The following CNTN5 variants were observed in gnomAD, a reference collection of about 807,000 sequenced individuals.
CNTN5 encodes contactin 5, also known as contactin-5.
CNTN5 carries 77 observed loss-of-function variants against 129.1 expected under a neutral mutation model. The observed-to-expected ratio is 0.60, with a 90% CI of 0.50 to 0.72. The LOEUF (loss-of-function observed/expected upper bound fraction) is 0.72. Ranked by LOEUF, CNTN5 falls within the 30% of genes least tolerant of loss-of-function variation. The pLI is 0.00. For synonymous variants in CNTN5, 509 were observed against 465.6 expected, an observed-to-expected ratio of 1.09 and a Z score of -1.20; for missense variants, 1,478 against 1,328.8, an observed-to-expected ratio of 1.11 and a Z score of -1.75.
intron 14 of CNTN5, among the ~76,000 whole-genome samples, chr11:100,191,713 C>T (rs549450434): frequency 6.6e-6 from 1 of 152,042 alleles, no homozygotes; most frequent in East Asian, 1.9e-4. Context: ...AAACTGGCTC[C>T]AGAGCTGTTT....
Position 99,614,600 on chromosome 11 carries a change from A to T in CNTN5, c.55+58331A>T, listed in dbSNP as rs942753348. Among the ~76,000 whole-genome samples the T allele has an allele frequency of 4.6e-5, 7 of 152,340 alleles. No homozygotes were observed. The South Asian group carries it at 1.0e-3, about 23-fold the overall frequency. On this transcript the variant is annotated intron_variant, in intron 3 of 24. Transcript: ENST00000524871. ...GAGCTGGGAGGTGGAAAAGGAATCC[A>T]GTATCCACTGTGCATCTCCCAGTTC...
intron 1 of CNTN5, among the ~76,000 whole-genome samples, chr11:99,118,192 A>G (rs2135399754): frequency 6.6e-6 from 1 of 152,292 alleles, no homozygotes; most frequent in African/African-American, 2.4e-5. Flanking sequence ...ACCAATTTAT[A>G]TGCCCAAGTC....
intron 2 of CNTN5, among the ~76,000 whole-genome samples, chr11:99,425,095 A>G (rs1477781007): frequency 1.3e-5 from 2 of 152,112 alleles, no homozygotes; most frequent in African/African-American, 4.8e-5. Context: ...GCTCCGTCCC[A>G]CAGCTGGTAA....
chr11:99,118,931 A>C (rs888952430), intron 1 of CNTN5, among the ~76,000 whole-genome samples: 1 of 151,928 alleles, frequency 6.6e-6, no homozygotes, highest in Non-Finnish European at 1.5e-5. Flanking sequence ...ATTTATTATA[A>C]TTATGTTAGA....
chr11:99,475,220 A>C (rs1402661805), intron 2 of CNTN5, among the ~76,000 whole-genome samples: 3 of 152,186 alleles, frequency 2.0e-5, no homozygotes, highest in African/African-American at 7.2e-5. Flanking sequence ...GGTTCCTTAT[A>C]AGATGGATGA....
chr11:99,287,918 T>C (rs1255033676), intron 1 of CNTN5, among the ~76,000 whole-genome samples: 1 of 151,676 alleles, frequency 6.6e-6, no homozygotes, highest in Non-Finnish European at 1.5e-5. Flanking sequence ...AAAAGAGGAA[T>C]AGGAGTAGGA....
At chr11:99,822,493 A>G (rs1466280569) in intron 4 of CNTN5, among the ~76,000 whole-genome samples, 3 of 152,170 alleles carry the variant, frequency 2.0e-5, no homozygotes, top group Non-Finnish European at 4.4e-5. Context: ...ATATAATATG[A>G]TATCACTTAT....
At chr11:99,042,284 G>A (rs1864014893) in intron 1 of CNTN5, among the ~76,000 whole-genome samples, 1 of 150,986 alleles carries the variant, frequency 6.6e-6, no homozygotes. Context: ...CGGGTTGATG[G>A]GTGCAGCAAA....
chr11:99,743,139 A>C (rs1250690497), intron 3 of CNTN5, among the ~76,000 whole-genome samples: 2 of 151,440 alleles, frequency 1.3e-5, no homozygotes, highest in African/African-American at 4.9e-5. Flanking sequence ...GGAGAGAGAT[A>C]TATCATGTTG....
chr11:99,716,218 G>A (rs1294807736), intron 3 of CNTN5, among the ~76,000 whole-genome samples: 2 of 151,928 alleles, frequency 1.3e-5, no homozygotes, highest in Non-Finnish European at 2.9e-5. Flanking sequence ...AACAATTCCT[G>A]TTGGAGTACT....
intron 8 of CNTN5, among the ~76,000 whole-genome samples, chr11:99,991,645 C>T (rs1022746764): frequency 7.2e-5 from 11 of 152,188 alleles, no homozygotes; most frequent in Non-Finnish European, 1.5e-4. Flanking sequence ...CATCTCTCCT[C>T]TATCTGTATT....
chr11:99,575,125 T>A (rs1477096413), intron 3 of CNTN5, among the ~76,000 whole-genome samples: 1 of 152,198 alleles, frequency 6.6e-6, no homozygotes, highest in Non-Finnish European at 1.5e-5. Context: ...TATCTTTTAT[T>A]ATAAAGTCTC....
At chr11:99,787,667 A>G (rs762303806) in intron 3 of CNTN5, among the ~76,000 whole-genome samples, 8 of 152,054 alleles carry the variant, frequency 5.3e-5, no homozygotes, top group Non-Finnish European at 1.2e-4. Context: ...TTCAAAGAAG[A>G]AAAATATGTT....
intron 1 of CNTN5, among the ~76,000 whole-genome samples, chr11:99,086,011 C>T (rs1464646106): frequency 1.3e-5 from 2 of 152,228 alleles, no homozygotes; most frequent in Non-Finnish European, 1.5e-5. Context: ...CACCTCCTAC[C>T]ACCATGCAGT....
intron 2 of CNTN5, among the ~76,000 whole-genome samples, chr11:99,487,900 C>A (rs1945878623): frequency 6.6e-6 from 1 of 152,098 alleles, no homozygotes; most frequent in Non-Finnish European, 1.5e-5. Flanking sequence ...GCCAAGAGGG[C>A]TTACTCAAAT....
intron 13 of CNTN5, among the ~76,000 whole-genome samples, chr11:100,142,017 ACTCT>A (rs72259384): frequency 0.081 from 12,271 of 151,840 alleles, 546 homozygotes; most frequent in Non-Finnish European, 0.1. Context: ...AGGCAAGTTT[ACTCT>A]CTCTTTCCTG....
intron 2 of CNTN5, among the ~76,000 whole-genome samples, chr11:99,426,304 C>G (rs1943117480): frequency 6.6e-6 from 1 of 152,030 alleles, no homozygotes; most frequent in South Asian, 2.1e-4. Context: ...TCACAGGTAA[C>G]TGTAAAATAA....
chr11:99,975,823 C>T (rs1779111882), intron 8 of CNTN5, among the ~76,000 whole-genome samples: 2 of 152,122 alleles, frequency 1.3e-5, no homozygotes. Context: ...CGGCCCCTCC[C>T]AAATCTCATG....
chr11:100,233,513 C>A (rs557125452), intron 16 of CNTN5, among the ~76,000 whole-genome samples: 3 of 152,268 alleles, frequency 2.0e-5, no homozygotes, highest in African/African-American at 7.2e-5. Context: ...ATTCACAAAT[C>A]CTCTAAAAGT....
Sources: allele counts gnomAD v4.1 joint callset (sites outside exome capture counted in the v4.1 genomes callset), GRCh38; gene constraint gnomAD v4.1.1; transcripts MANE v1.5; gene names NCBI Gene and HGNC (gene_info 2026-07-23, HGNC 2026-07-21).